Variants in WBP11 observed in about 807,000 individuals in gnomAD.
WBP11 encodes the protein WW domain binding protein 11.
Under a neutral mutation model 66.7 loss-of-function variants are expected in WBP11, and 12 were observed. The observed-to-expected ratio is 0.18, with a 90% CI of 0.12 to 0.29. WBP11 has a LOEUF of 0.29. WBP11 is among the 10% of genes least tolerant of loss of function. The probability of loss-of-function intolerance (pLI) is 1.00; values close to 1 mark genes in which losing one functional copy is unlikely to be tolerated. For synonymous variants in WBP11, 255 were observed against 273.8 expected (o/e 0.93, Z 0.68); for missense variants, 555 against 818.3 (o/e 0.68, Z 3.93).
chr12:14,796,095 A>G lies in WBP11; in HGVS notation c.387+712T>C, dbSNP rs1406078038. 6.6e-6 allele frequency among the ~76,000 whole-genome samples: 1 copy of G among 152,172 alleles called. No homozygotes were observed. Among genetic ancestry groups the G allele is most frequent in the Non-Finnish European group, 1.5e-5 (1 of 68,022 alleles). On this transcript the variant is annotated intron_variant, in intron 5 of 11. Coordinates refer to ENST00000261167, the MANE Select transcript of WBP11 (RefSeq NM_016312.3). This position sits in a 1 kb window ranked among gnomAD's most constrained non-coding sequence, Gnocchi z 4.5. Reference sequence around the variant, plus strand: ...TTTTTTCCTGCACAGATTATCTGTGACTATTCTAGAATTTCATAAAAATGA... The same window carrying G: ...TTTTTTCCTGCACAGATTATCTGTGGCTATTCTAGAATTTCATAAAAATGA...
At chr12:14,800,869 T>A in intron 2 of WBP11, 86 bp from the exon 3 acceptor site, 1 of 1,233,592 alleles carries the variant, frequency 8.1e-7, no homozygotes, top group South Asian at 1.4e-5. Flanking sequence ...TAATTCTTTA[T>A]TGTGGAAAGT....
rs1278143991 is a variant in WBP11, at chr12:14,796,784, C to A, written c.387+23G>T. 1 of 1,562,800 alleles carries A rather than the reference C, an allele frequency of 6.4e-7. No individual in the cohort carries two copies. Among genetic ancestry groups the A allele is most frequent in the South Asian group, 1.2e-5 (1 of 81,910 alleles). ...ATCTGTATAATATTTTAGTTTATCT[C>A]TCAAAAAAAAAACCTTGATTACCTT... is the stretch of plus-strand genomic sequence containing the variant. On this transcript the variant is annotated intron_variant, in intron 5 of 11. Transcript: ENST00000261167. This position sits in a 1 kb window ranked among gnomAD's most constrained non-coding sequence, Gnocchi z 4.5.
rs189799377 is a variant in WBP11, at chr12:14,785,891, C to A, written c.*1174G>T. ...CTCTAATGTAAAATGGGGAAAATAC[C>A]CAGAAAAGTTATCTATAGGGTTAAT... On this transcript the variant is annotated 3_prime_UTR_variant, in exon 12 of 12. Transcript: ENST00000261167. 2.0e-5 allele frequency: 3 copies of A among 152,048 alleles called. No individual in the cohort carries two copies. The highest frequency in any genetic ancestry group is 1.3e-4 in the Admixed American group (2 of 15,268). 9.4% of individuals were successfully genotyped at this position (152,048 alleles called of 1,614,324 possible). A position where few individuals can be genotyped will look rare whatever the true frequency, so the allele number is the denominator to read the frequency against.
chr12:14,801,239 A>T, intron 2 of WBP11, 81 bp downstream of exon 2: 2 of 1,393,014 alleles, frequency 1.4e-6, no homozygotes, highest in South Asian at 2.3e-5. Flanking sequence ...CTTGTAATTA[A>T]GCCACAGAGA....
chr12:14,797,914 ACTG>A (rs1258188486), intron 4 of WBP11, among the ~76,000 whole-genome samples: 1 of 152,182 alleles, frequency 6.6e-6, no homozygotes, highest in Non-Finnish European at 1.5e-5. Context: ...GATGGACAGT[ACTG>A]ATGATGAGAC....
At chr12:14,791,921 G>C (rs1004040509) in intron 8 of WBP11, among the ~76,000 whole-genome samples, 2 of 151,732 alleles carry the variant, frequency 1.3e-5, no homozygotes, top group African/African-American at 4.8e-5. Flanking sequence ...TTATAAGTGG[G>C]AGCTAAGATA....
At chr12:14,801,995 C>T (rs1949970125) in intron 1 of WBP11, 1 of 152,260 alleles carries the variant, frequency 6.6e-6, no homozygotes. Context: ...AGTTCTAGTT[C>T]AGATATAATG....
intron 5 of WBP11, 85 bp from the exon 6 acceptor site, chr12:14,795,189 C>T (rs1249829516): frequency 4.4e-6 from 6 of 1,376,608 alleles, no homozygotes; most frequent in Non-Finnish European, 5.7e-6. Flanking sequence ...TGTTTCGTAA[C>T]TTGGACATGC....
In WBP11 at chr12:14,786,956, T is replaced by TA. The variant is rs1326456179; in HGVS notation, c.*108dup. 5.0e-6 allele frequency: 6 copies of TA among 1,205,882 alleles called. No homozygotes were observed. Among genetic ancestry groups the TA allele is most frequent in the Non-Finnish European group, 6.8e-6 (6 of 885,196 alleles). 74.7% of individuals were successfully genotyped at this position (1,205,882 alleles called of 1,614,324 possible). A position where few individuals can be genotyped will look rare whatever the true frequency, so the allele number is the denominator to read the frequency against. ...TTTAGGATATTCCTTGAACTGAAAT[T>TA]AGAAAATACCCTGACAATGGAAGCA... On this transcript the variant is annotated 3_prime_UTR_variant, in exon 12 of 12. Transcript: ENST00000261167.
chr12:14,788,399 A>C (rs1430992344), intron 11 of WBP11, among the ~76,000 whole-genome samples: 1 of 152,216 alleles, frequency 6.6e-6, no homozygotes, highest in Non-Finnish European at 1.5e-5. Context: ...CTTTTAAATG[A>C]AATATTAAGT....
chr12:14,787,561 G>A, intron 11 of WBP11, 63 bp from the exon 12 acceptor site: 2 of 1,364,414 alleles, frequency 1.5e-6, no homozygotes, highest in African/African-American at 1.4e-5. Flanking sequence ...CTACTATTAA[G>A]GACATTTAAA....
intron 11 of WBP11, 107 bp downstream of exon 11, chr12:14,788,844 C>T (rs1175415788): frequency 3.3e-6 from 2 of 611,194 alleles, no homozygotes; most frequent in African/African-American, 3.9e-5. Flanking sequence ...CCACCACTGA[C>T]TGTAAGATGA....
Position 14,799,715 on chromosome 12 carries a change from C to T in WBP11, c.110G>A (p.Arg37His). The change falls in exon 4 of 12, where the codon CGC becomes CAC. Residue 37 changes from arginine to histidine, a missense_variant. By Grantham distance (29) the Arg-to-His change is conservative. Coordinates refer to ENST00000261167, the MANE Select transcript of WBP11 (RefSeq NM_016312.3). ...TAAAACTGCAGCTCGAACCATCATG[C>T]GCTGTTTTTTGTTCTTAGAAAAATA... The part of the protein sequence containing the change: ...KRELKKNKKQ[R>H]MMVRAAVLKM... 1.2e-6 allele frequency: 2 copies of T among 1,613,124 alleles called. No individual in the cohort carries two copies. The highest frequency in any genetic ancestry group is 1.7e-6 in the Non-Finnish European group (2 of 1,179,508).
chr12:14,793,943 ATGG>A, intron 7 of WBP11, 21 bp from the exon 8 acceptor site: 1 of 1,591,082 alleles, frequency 6.3e-7, no homozygotes, highest in Middle Eastern at 1.7e-4. Context: ...GGAAGGGAAC[ATGG>A]AGAAGTAGTA....
chr12:14,798,220 A>T (rs1949914867), intron 4 of WBP11, among the ~76,000 whole-genome samples: 1 of 152,178 alleles, frequency 6.6e-6, no homozygotes, highest in South Asian at 2.1e-4. Context: ...GTGATTAGTA[A>T]AAGCGCTGAA....
At position 14,794,475 on chromosome 12, in the gene WBP11, T is replaced by C. The variant is rs1949864832; in HGVS notation, c.721+62A>G. The C allele has an allele frequency of 3.0e-5, 48 of 1,585,176 alleles. No individual in the cohort carries two copies. In the South Asian group the frequency reaches 5.1e-4, roughly 17 times the overall value. ...TAAGTTCTGAGGGTGGTGAACAATA[T>C]GTTAAACAGGGCCAACATAAAAAAT... On this transcript the variant is annotated intron_variant, in intron 7 of 11. Coordinates refer to ENST00000261167, the MANE Select transcript of WBP11 (RefSeq NM_016312.3).
intron 2 of WBP11, chr12:14,801,013 G>A (rs1026509096): frequency 3.4e-5 from 16 of 476,272 alleles, no homozygotes; most frequent in African/African-American, 3.2e-4. Context: ...CTATGAATCT[G>A]AAGGAAAAAC....
In WBP11 at chr12:14,794,741, TAA is replaced by T. The variant is rs34868934; in HGVS notation, c.522-7_522-6del. 3.3e-5 allele frequency: 45 copies of T among 1,372,086 alleles called. No individual in the cohort carries two copies. Among genetic ancestry groups the T allele is most frequent in the Admixed American group, 1.5e-4 (6 of 40,632 alleles). 85.0% of individuals were successfully genotyped at this position (1,372,086 alleles called of 1,614,324 possible). On this transcript the variant is annotated splice_polypyrimidine_tract_variant and splice_region_variant and intron_variant, in intron 6 of 11. Transcript: ENST00000261167. The stretch of plus-strand genomic sequence containing the variant: ...GAAACTGCCCGAGTTGGAGGTCTGT[TAA>T]AAAAAAAAACAAAAACAAAAAAACC...
intron 5 of WBP11, among the ~76,000 whole-genome samples, chr12:14,795,457 C>A (rs1026099068): frequency 6.6e-6 from 1 of 152,148 alleles, no homozygotes; most frequent in Non-Finnish European, 1.5e-5. Flanking sequence ...TCAGGCTGGG[C>A]GTGGTAGCTC....
Sources: allele counts gnomAD v4.1 joint callset (sites outside exome capture counted in the v4.1 genomes callset), GRCh38; gene constraint gnomAD v4.1.1; non-coding constraint Gnocchi (gnomAD v3.1); transcripts MANE v1.5; gene names NCBI Gene and HGNC (gene_info 2026-07-23, HGNC 2026-07-21).